Variants in DLGAP1 observed in about 807,000 individuals in gnomAD.
DLGAP1 encodes the protein DLG associated protein 1.
In DLGAP1, 11 loss-of-function variants were observed where a neutral mutation model predicts 90.8. The ratio of observed to expected loss-of-function variants is 0.12; its 90% CI spans 0.08 to 0.20. The LOEUF (loss-of-function observed/expected upper bound fraction) is 0.20, where lower values mean the gene tolerates loss of function less well. Ranked by LOEUF, DLGAP1 falls within the 10% of genes least tolerant of loss-of-function variation. The probability of loss-of-function intolerance (pLI) is 1.00; values close to 1 mark genes in which losing one functional copy is unlikely to be tolerated. For synonymous variants in DLGAP1, 558 were observed against 540.7 expected (o/e 1.03, Z -0.44); for missense variants, 1,050 against 1,333.8 (o/e 0.79, Z 3.31).
intron 9 of DLGAP1, among the ~76,000 whole-genome samples, chr18:3,544,062 TG>T (rs2144672594): frequency 6.6e-6 from 1 of 152,274 alleles, no homozygotes; most frequent in East Asian, 1.9e-4. Flanking sequence ...CTTTTTTAAA[TG>T]AAGACAAAAT....
chr18:3,842,575 G>C (rs1435479213), intron 4 of DLGAP1, among the ~76,000 whole-genome samples: 2 of 151,408 alleles, frequency 1.3e-5, no homozygotes, highest in Non-Finnish European at 2.9e-5. Context: ...ACAGAAATAA[G>C]ATTTGGTGTT....
rs139891056 is a variant in DLGAP1 at position 3,862,358 on chromosome 18, T to C, written c.957+16754A>G. Among the ~76,000 whole-genome samples, 243 of 152,276 alleles carry C rather than the reference T, an allele frequency of 1.6e-3. 1 individual carries two copies. The highest frequency in any genetic ancestry group is 5.8e-3 in the African/African-American group (242 of 41,540). ...CAAAACATTGTAATTTACAAGTAAA[T>C]GTGAGGAGAAGAAAAGTTTTGCAGA... On this transcript the variant is annotated intron_variant, in intron 4 of 12. Coordinates refer to ENST00000315677, the MANE Select transcript of DLGAP1 (RefSeq NM_004746.4).
chr18:3,880,578 G>C (rs546147209), intron 3 of DLGAP1, among the ~76,000 whole-genome samples: 1 of 152,270 alleles, frequency 6.6e-6, no homozygotes, highest in African/African-American at 2.4e-5. Context: ...GAAGAGCTCT[G>C]TCACCTCTGT....
chr18:3,949,626 C>A (rs1449205782), intron 3 of DLGAP1, among the ~76,000 whole-genome samples: 1 of 152,204 alleles, frequency 6.6e-6, no homozygotes, highest in Non-Finnish European at 1.5e-5. Flanking sequence ...CAGAGCGCCT[C>A]TTTGTCGATG....
chr18:4,062,104 T>A (rs1221255361), intron 2 of DLGAP1, among the ~76,000 whole-genome samples: 1 of 152,204 alleles, frequency 6.6e-6, no homozygotes, highest in African/African-American at 2.4e-5. Flanking sequence ...CCTTTGTTTT[T>A]CAGAAAGTGT....
intron 5 of DLGAP1, among the ~76,000 whole-genome samples, chr18:3,811,957 G>A (rs934204425): frequency 3.3e-5 from 5 of 152,046 alleles, no homozygotes; most frequent in African/African-American, 1.2e-4. Flanking sequence ...CCTCTTACCT[G>A]GGTATTGCTG....
chr18:3,764,742 C>T (rs1286453130), intron 5 of DLGAP1, among the ~76,000 whole-genome samples: 1 of 152,238 alleles, frequency 6.6e-6, no homozygotes, highest in Non-Finnish European at 1.5e-5. Context: ...GTACATTCCT[C>T]ATGGTTCCTA....
At chr18:3,633,737 T>C (rs2058601377) in intron 7 of DLGAP1, among the ~76,000 whole-genome samples, 1 of 152,206 alleles carries the variant, frequency 6.6e-6, no homozygotes, top group Admixed American at 6.5e-5. Flanking sequence ...CCAGAGGTAA[T>C]TCACATATGC....
chr18:3,779,048 C>T (rs758239604), intron 5 of DLGAP1, among the ~76,000 whole-genome samples: 2 of 152,200 alleles, frequency 1.3e-5, no homozygotes, highest in Non-Finnish European at 2.9e-5. Flanking sequence ...CGTTCCTTTT[C>T]TTGACCACCC....
intron 1 of DLGAP1, among the ~76,000 whole-genome samples, chr18:4,233,419 TCTCA>T (rs1168868947): frequency 1.3e-5 from 2 of 152,196 alleles, no homozygotes; most frequent in Admixed American, 6.5e-5. Context: ...CTGATATTTT[TCTCA>T]CTAATAGGCT....
At chr18:4,435,752 C>T (rs1488338110) in intron 1 of DLGAP1, among the ~76,000 whole-genome samples, 1 of 152,154 alleles carries the variant, frequency 6.6e-6, no homozygotes, top group African/African-American at 2.4e-5. Flanking sequence ...AAAAGCTGCC[C>T]AACTTCTGAA....
At chr18:3,628,033 A>G (rs1336512470) in intron 7 of DLGAP1, among the ~76,000 whole-genome samples, 6 of 150,182 alleles carry the variant, frequency 4.0e-5, no homozygotes, top group Non-Finnish European at 7.4e-5. Context: ...CGCGCACCAC[A>G]CCTGGCTAAT....
chr18:3,570,647 G>A (rs140074612), intron 8 of DLGAP1, among the ~76,000 whole-genome samples: 2,737 of 151,916 alleles, frequency 0.018, 44 homozygotes, highest in Middle Eastern at 0.031. Flanking sequence ...AGTATAATTA[G>A]GCTAGGTGAG....
At chr18:4,130,290 A>G (rs1043265366) in intron 2 of DLGAP1, among the ~76,000 whole-genome samples, 4 of 152,312 alleles carry the variant, frequency 2.6e-5, no homozygotes, top group African/African-American at 9.6e-5. Context: ...GATGATACCA[A>G]TATACTCATA....
intron 1 of DLGAP1, among the ~76,000 whole-genome samples, chr18:4,171,520 G>T (rs866084261): frequency 6.7e-6 from 1 of 149,204 alleles, no homozygotes; most frequent in Non-Finnish European, 1.5e-5. Context: ...AGCCGAGATC[G>T]CACCACTGCA....
At chr18:3,621,560 C>A (rs554240427) in intron 7 of DLGAP1, among the ~76,000 whole-genome samples, 1 of 152,198 alleles carries the variant, frequency 6.6e-6, no homozygotes. Flanking sequence ...CTGTTCAAAC[C>A]GTGTTCAAAT....
At chr18:4,214,656 G>T (rs541805430) in intron 1 of DLGAP1, among the ~76,000 whole-genome samples, 70 of 152,204 alleles carry the variant, frequency 4.6e-4, no homozygotes, top group Admixed American at 1.0e-3. Context: ...TATTAAAATA[G>T]TTCACCCTCC....
chr18:3,652,181 GA>G (rs796835563), intron 7 of DLGAP1, among the ~76,000 whole-genome samples: 6,431 of 131,676 alleles, frequency 0.049, 512 homozygotes, highest in African/African-American at 0.18. Context: ...AAAAAAAAAA[GA>G]AAAGAAAGAA....
intron 1 of DLGAP1, among the ~76,000 whole-genome samples, chr18:4,159,218 CCTT>C (rs1237136916): frequency 6.6e-6 from 1 of 152,170 alleles, no homozygotes; most frequent in African/African-American, 2.4e-5. Flanking sequence ...GCCAGAGAGT[CCTT>C]CTAAAATACT....
Sources: allele counts gnomAD v4.1 joint callset (sites outside exome capture counted in the v4.1 genomes callset), GRCh38; gene constraint gnomAD v4.1.1; transcripts MANE v1.5; gene names NCBI Gene and HGNC (gene_info 2026-07-23, HGNC 2026-07-21).